Variants in PGAP1 observed in about 807,000 individuals in gnomAD.
PGAP1 encodes the protein post-GPI attachment to proteins inositol deacylase 1, also known as GPI inositol-deacylase.
In PGAP1, 76 loss-of-function variants were observed where a neutral mutation model predicts 127.0. The observed-to-expected ratio is 0.60, with a 90% CI of 0.50 to 0.72. The LOEUF (loss-of-function observed/expected upper bound fraction) is 0.72, where lower values mean the gene tolerates loss of function less well. PGAP1 is among the 30% of genes least tolerant of loss of function. PGAP1 has a pLI of 0.00. For missense variants in PGAP1, 982 were observed against 1,071.3 expected, an observed-to-expected ratio of 0.92 and a Z score of 1.16; for synonymous variants, 362 against 366.5, an observed-to-expected ratio of 0.99 and a Z score of 0.14.
At chr2:196,902,012 GTACT>G (rs1211201385) in intron 5 of PGAP1, among the ~76,000 whole-genome samples, 1 of 151,886 alleles carries the variant, frequency 6.6e-6, no homozygotes, top group Admixed American at 6.6e-5. Context: ...AAGATCCTTT[GTACT>G]TACTTTTTTT....
chr2:196,898,471 T>G, intron 5 of PGAP1, 102 bp from the exon 6 acceptor site: 7 of 733,742 alleles, frequency 9.5e-6, no homozygotes, highest in Non-Finnish European at 1.6e-5. Flanking sequence ...ATAATATAGT[T>G]TCACTATATT....
chr2:196,893,842 TAAA>T (rs1702180624), intron 7 of PGAP1, among the ~76,000 whole-genome samples: 1 of 152,218 alleles, frequency 6.6e-6, no homozygotes, highest in Non-Finnish European at 1.5e-5. Context: ...GTCATCCCTT[TAAA>T]AAAGTGTACT....
In PGAP1 at chr2:196,841,178, C is replaced by T; in HGVS notation, c.*56G>A. The T allele has an allele frequency of 6.5e-7, 1 of 1,530,136 alleles. No homozygotes were observed. 94.8% of individuals were successfully genotyped at this position (1,530,136 alleles called of 1,614,324 possible). On this transcript the variant is annotated 3_prime_UTR_variant, in exon 27 of 27. Transcript: ENST00000354764. Reference sequence around the variant, plus strand: ...CCATACTGATGGATCTGTGTGTTCCCTCTTATCACTGGCCCTAAACACATA... The same window carrying T: ...CCATACTGATGGATCTGTGTGTTCCTTCTTATCACTGGCCCTAAACACATA...
At chr2:196,887,575 C>G (rs1248984783) in intron 10 of PGAP1, among the ~76,000 whole-genome samples, 1 of 152,116 alleles carries the variant, frequency 6.6e-6, no homozygotes, top group Middle Eastern at 3.2e-3. Flanking sequence ...CTTTGAATCA[C>G]AGATAGGACA....
At chr2:196,895,675 C>T (rs1313096881) in intron 7 of PGAP1, among the ~76,000 whole-genome samples, 1 of 152,136 alleles carries the variant, frequency 6.6e-6, no homozygotes, top group African/African-American at 2.4e-5. Context: ...CTATGATTCT[C>T]TCTAAGAGTG....
At chr2:196,916,347 TA>T (rs775296003) in intron 3 of PGAP1, 70 bp downstream of exon 3, 5 of 1,338,158 alleles carry the variant, frequency 3.7e-6, no homozygotes, top group Non-Finnish European at 4.9e-6. Flanking sequence ...TGATTTAAAG[TA>T]TACTGAATCC....
intron 19 of PGAP1, 41 bp downstream of exon 19, chr2:196,870,900 A>C: frequency 1.9e-6 from 3 of 1,551,982 alleles, no homozygotes; most frequent in Non-Finnish European, 2.7e-6. Context: ...TTATCTATTC[A>C]TAAAGCAGTA....
In PGAP1 at chr2:196,873,716, T is replaced by C. The variant is rs1229114939; in HGVS notation, c.1469A>G (p.Tyr490Cys). The C allele has an allele frequency of 1.9e-6, 3 of 1,611,966 alleles. No homozygotes were observed. ...RKVVLNTNGL[Y>C]YNLELLNFGQ... is the part of the protein sequence containing the mutation. ...AAAGTTCAGAAGCTCTAGATTGTAGTATAGGCCATTTGTATTTAACACCAC... is the reference window on the plus strand; with the variant it reads ...AAAGTTCAGAAGCTCTAGATTGTAGCATAGGCCATTTGTATTTAACACCAC... Residue 490 changes from tyrosine (Y) to cysteine (C), a missense_variant, in exon 15 of 27, where the codon TAC (tyrosine) becomes TGC (cysteine). Coordinates refer to ENST00000354764, the MANE Select transcript of PGAP1 (RefSeq NM_024989.4).
At chr2:196,852,892 T>C (rs1700766011) in intron 20 of PGAP1, among the ~76,000 whole-genome samples, 1 of 152,140 alleles carries the variant, frequency 6.6e-6, no homozygotes, top group Non-Finnish European at 1.5e-5. Flanking sequence ...GAGTAAGTCA[T>C]GAAAAAAGTT....
chr2:196,916,509 T>C lies in PGAP1; in HGVS notation c.386A>G (p.Asn129Ser), dbSNP rs113308965. ...ACCATACAAAGCCACCAGTTCTTCATTGAAGTTCACACTAAAGAAGTCAAA... is the reference window on the plus strand; with the variant it reads ...ACCATACAAAGCCACCAGTTCTTCACTGAAGTTCACACTAAAGAAGTCAAA... ...YHFDFFSVNF[N>S]EELVALYGGS... The change falls in exon 3 of 27, where the codon AAT becomes AGT. Residue 129 changes from asparagine (N) to serine (S), a missense_variant. Transcript: ENST00000354764. 6.1e-5 allele frequency: 98 copies of C among 1,613,556 alleles called. 1 individual carries two copies. The highest frequency in any genetic ancestry group is 5.2e-4 in the South Asian group (47 of 91,036).
At chr2:196,852,344 C>A (rs1199747503) in intron 20 of PGAP1, among the ~76,000 whole-genome samples, 1 of 151,950 alleles carries the variant, frequency 6.6e-6, no homozygotes, top group Non-Finnish European at 1.5e-5. Flanking sequence ...TACTAATTAA[C>A]CCAAGTGTCT....
Position 196,912,983 on chromosome 2 carries a change from A to G in PGAP1, c.548T>C (p.Leu183Ser). The G allele has an allele frequency of 6.2e-7, 1 of 1,614,008 alleles. No individual in the cohort carries two copies. The highest frequency in any genetic ancestry group is 8.5e-7 in the Non-Finnish European group (1 of 1,179,942). ...HSMGGLVARA[L>S]LTLKNFKHDL... is the part of the protein sequence containing the mutation. ...ATGCTTAAAATTTTTCAGTGTAAGC[A>G]ATGCTCTTGCAACAAGGCCACCCAT... Residue 183 changes from leucine (L) to serine (S), a missense_variant, in exon 4 of 27, where the codon TTG becomes TCG. Coordinates refer to ENST00000354764, the MANE Select transcript of PGAP1 (RefSeq NM_024989.4).
At chr2:196,848,268 G>A (rs1219434137) in intron 20 of PGAP1, among the ~76,000 whole-genome samples, 1 of 152,054 alleles carries the variant, frequency 6.6e-6, no homozygotes, top group East Asian at 1.9e-4. Context: ...CAAAGCTGGG[G>A]TTTCACCAGC....
chr2:196,855,087 C>A (rs1405230668), intron 20 of PGAP1, among the ~76,000 whole-genome samples: 1 of 151,624 alleles, frequency 6.6e-6, no homozygotes, highest in South Asian at 2.1e-4. Context: ...CTTTGTGAGG[C>A]CAAGGCAGGT....
rs757910847 is a variant in PGAP1 at position 196,890,881 on chromosome 2, G to A, written c.1120C>T (p.Leu374Phe). 1.3e-6 allele frequency: 2 copies of A among 1,539,518 alleles called. No homozygotes were observed. The highest frequency in any genetic ancestry group is 9.0e-7 in the Non-Finnish European group (1 of 1,113,796). The change falls in exon 10 of 27, where the codon CTT becomes TTT. Residue 374 changes from leucine (L) to phenylalanine (F), a missense_variant. Coordinates refer to ENST00000354764, the MANE Select transcript of PGAP1 (RefSeq NM_024989.4). ...ESEKIYFTFP[L>F]ENHRKIYTHV... is the part of the protein sequence containing the mutation. ...GTGTAGATTTTTCTATGATTTTCAA[G>A]AGGAAATGTAAAATATATCTTCTCA...
In PGAP1 at chr2:196,845,758, C is replaced by T. The variant is rs1399240748; in HGVS notation, c.2286+124G>A. Reference sequence around the variant, plus strand: ...TTAAATAACTAATTACATTCAAACCCGTTATGTAACAGAGGGTTACTACAG... The same window carrying T: ...TTAAATAACTAATTACATTCAAACCTGTTATGTAACAGAGGGTTACTACAG... On this transcript the variant is annotated intron_variant, in intron 23 of 26. Coordinates refer to ENST00000354764, the MANE Select transcript of PGAP1 (RefSeq NM_024989.4). 1.4e-5 allele frequency: 9 copies of T among 649,442 alleles called. No individual in the cohort carries two copies. The East Asian group carries it at 2.2e-4, about 16-fold the overall frequency. The allele number at this position is 649,442 out of a possible 1,614,324, so 40.2% of individuals were successfully genotyped here.
chr2:196,885,456 A>G lies in PGAP1; in HGVS notation c.1240T>C (p.Ser414Pro). The G allele has an allele frequency of 6.2e-7, 1 of 1,604,002 alleles. No individual in the cohort carries two copies. The highest frequency in any genetic ancestry group is 8.5e-7 in the Non-Finnish European group (1 of 1,174,334). Reference sequence around the variant, plus strand: ...GTTGGCAGCAGTTCAGCTTTCCATGATAAATCAACCCCTTGCAGGCTTTGA... The same window carrying G: ...GTTGGCAGCAGTTCAGCTTTCCATGGTAAATCAACCCCTTGCAGGCTTTGA... ...TSMCLQGVDL[S>P]WKAELLPTIK... The change falls in exon 12 of 27, where the codon TCA (serine) becomes CCA (proline). Residue 414 changes from serine to proline, a missense_variant. Transcript: ENST00000354764.
At position 196,885,854 on chromosome 2, in the gene PGAP1, GC is replaced by G; in HGVS notation, c.1199del (p.Cys400SerfsTer2). 7.1e-7 allele frequency: 1 copy of G among 1,416,664 alleles called. No individual in the cohort carries two copies. 87.8% of individuals were successfully genotyped at this position (1,416,664 alleles called of 1,614,324 possible). A position where few individuals can be genotyped will look rare whatever the true frequency, so the allele number is the denominator to read the frequency against. On this transcript the variant is annotated frameshift_variant, in exon 11 of 27. Coordinates refer to ENST00000354764, the MANE Select transcript of PGAP1 (RefSeq NM_024989.4). LOFTEE classifies it high-confidence loss of function. The stretch of plus-strand genomic sequence containing the variant: ...CTTACCACATAGAAGTGCTGTTTAT[GC>G]AAGCAAAAATCCAACTATTTGTATC... ...MLDTNSWIFA[C>X]INSTSMCLQG...
intron 13 of PGAP1, among the ~76,000 whole-genome samples, chr2:196,878,902 T>A (rs1044556119): frequency 6.6e-6 from 1 of 152,234 alleles, no homozygotes; most frequent in Non-Finnish European, 1.5e-5. Context: ...CTATTGAGCA[T>A]CTGGAATGTG....
Sources: allele counts gnomAD v4.1 joint callset (sites outside exome capture counted in the v4.1 genomes callset), GRCh38; gene constraint gnomAD v4.1.1; transcripts MANE v1.5; gene names NCBI Gene and HGNC (gene_info 2026-07-23, HGNC 2026-07-21).